The following MGAM2 variants were observed in gnomAD, a reference collection of about 807,000 sequenced individuals.
MGAM2 encodes the protein maltase-glucoamylase 2 (putative).
A neutral mutation model predicts 96.1 loss-of-function variants in MGAM2; 98 were observed. The observed-to-expected ratio is 1.02, with a 90% CI of 0.87 to 1.21. The LOEUF (loss-of-function observed/expected upper bound fraction) is 1.21. Among genes scored for constraint, MGAM2 ranks in the 50% most tolerant of loss-of-function variants. MGAM2 has a pLI of 0.00. For synonymous variants in MGAM2, 749 were observed against 414.8 expected (o/e 1.81, Z -9.79); for missense variants, 2,055 against 1,182.4 (o/e 1.74, Z -10.82).
At chr7:142,159,829 A>G (rs1395687252) in intron 20 of MGAM2, among the ~76,000 whole-genome samples, 2 of 152,228 alleles carry the variant, frequency 1.3e-5, no homozygotes, top group Non-Finnish European at 2.9e-5. Context: ...GGTTTATGGA[A>G]ATTCATTATA....
At chr7:142,153,695 G>C (rs577260154) in intron 15 of MGAM2, among the ~76,000 whole-genome samples, 1 of 152,286 alleles carries the variant, frequency 6.6e-6, no homozygotes, top group South Asian at 2.1e-4. Context: ...TCAAATCATG[G>C]TTCCAATATA....
chr7:142,115,544 T>A (rs1379879616), intron 1 of MGAM2, among the ~76,000 whole-genome samples: 2 of 152,144 alleles, frequency 1.3e-5, no homozygotes, highest in African/African-American at 4.8e-5. Context: ...TAAGATACTT[T>A]TTTAAAATAA....
At chr7:142,161,883 A>G (rs1795898053) in intron 22 of MGAM2, 72 bp from the exon 23 acceptor site, 1 of 587,202 alleles carries the variant, frequency 1.7e-6, no homozygotes, top group Admixed American at 3.3e-5. Context: ...TTCCAGATGA[A>G]ATGAAGAGAA....
chr7:142,126,337 C>G (rs1563248794), intron 3 of MGAM2, among the ~76,000 whole-genome samples: 1 of 151,774 alleles, frequency 6.6e-6, no homozygotes, highest in Non-Finnish European at 1.5e-5. Flanking sequence ...TTTTTATTTA[C>G]TTGTTTATTT....
intron 47 of MGAM2, among the ~76,000 whole-genome samples, chr7:142,219,082 T>A (rs1797848482): frequency 6.6e-6 from 1 of 152,134 alleles, no homozygotes; most frequent in African/African-American, 2.4e-5. Flanking sequence ...ACTAGAGGAT[T>A]CTAGAATCAA....
At chr7:142,194,555 T>C (rs1304034101) in intron 37 of MGAM2, among the ~76,000 whole-genome samples, 4 of 152,208 alleles carry the variant, frequency 2.6e-5, no homozygotes, top group Non-Finnish European at 5.9e-5. Context: ...TACATACATA[T>C]GCATTCTTCC....
chr7:142,133,357 A>G (rs1794964769), intron 6 of MGAM2, among the ~76,000 whole-genome samples: 5 of 149,450 alleles, frequency 3.3e-5, no homozygotes, highest in Non-Finnish European at 7.4e-5. Context: ...CTTGTGGTTT[A>G]CATATATTGT....
chr7:142,180,191 T>C (rs962877790), intron 32 of MGAM2, among the ~76,000 whole-genome samples: 4 of 152,164 alleles, frequency 2.6e-5, no homozygotes, highest in Admixed American at 1.3e-4. Flanking sequence ...ATTTGTGTGA[T>C]TGGGTGTAAT....
At chr7:142,147,768 T>A (rs1795432395) in intron 15 of MGAM2, among the ~76,000 whole-genome samples, 195 bp downstream of exon 15, 1 of 152,254 alleles carries the variant, frequency 6.6e-6, no homozygotes, top group Non-Finnish European at 1.5e-5. Context: ...TATCTTTGAT[T>A]AGCTTATGGC....
intron 44 of MGAM2, among the ~76,000 whole-genome samples, chr7:142,198,953 T>A (rs1797139286): frequency 6.6e-6 from 1 of 152,182 alleles, no homozygotes; most frequent in Admixed American, 6.5e-5. Flanking sequence ...ACACATATAT[T>A]TTTGTCTGTA....
intron 2 of MGAM2, among the ~76,000 whole-genome samples, chr7:142,119,865 T>C (rs1335708187): frequency 6.6e-6 from 1 of 152,170 alleles, no homozygotes. Flanking sequence ...TCCATAGTGA[T>C]AGAAAATAGA....
intron 17 of MGAM2, among the ~76,000 whole-genome samples, chr7:142,156,178 GA>G (rs1342794145): frequency 1.3e-5 from 2 of 151,264 alleles, no homozygotes; most frequent in Non-Finnish European, 2.9e-5. Context: ...AAAGTACAAA[GA>G]AACAGGGACA....
intron 3 of MGAM2, among the ~76,000 whole-genome samples, chr7:142,127,477 T>G (rs918501225): frequency 1.3e-5 from 2 of 152,208 alleles, no homozygotes; most frequent in Non-Finnish European, 2.9e-5. Context: ...CTTTAAATCT[T>G]GTTCTAAATC....
rs562961795 is a variant in MGAM2 at position 142,148,364 on chromosome 7, A to G, written c.1634+791A>G. On this transcript the variant is annotated intron_variant, in intron 15 of 47. Transcript: ENST00000477922. The surrounding 1 kb of genome is among the most constrained non-coding windows in gnomAD (Gnocchi z 4.2). The stretch of plus-strand genomic sequence containing the variant: ...TACCACTACCATCACCACCACCACT[A>G]CCATGACCACCACCACCATCCCTAC... 6.6e-6 allele frequency among the ~76,000 whole-genome samples: 1 copy of G among 151,674 alleles called. No homozygotes were observed. Among genetic ancestry groups the G allele is most frequent in the East Asian group, 1.9e-4 (1 of 5,154 alleles).
intron 46 of MGAM2, 45 bp from the exon 47 acceptor site, chr7:142,218,316 C>G: frequency 1.7e-6 from 1 of 582,270 alleles, no homozygotes; most frequent in Non-Finnish European, 3.1e-6. Flanking sequence ...CATAGTCTAT[C>G]AACAATATGT....
intron 39 of MGAM2, 46 bp from the exon 40 acceptor site, chr7:142,196,654 G>A (rs929675311): frequency 2.0e-5 from 15 of 755,726 alleles, no homozygotes; most frequent in Middle Eastern, 2.3e-4. Context: ...GTGAGTCAGC[G>A]CCTCATGAAA....
intron 3 of MGAM2, 54 bp from the exon 4 acceptor site, chr7:142,130,894 T>C (rs570530143): frequency 4.4e-6 from 3 of 683,524 alleles, no homozygotes; most frequent in East Asian, 2.7e-5. Context: ...AATAGACAGA[T>C]AATACTTTCC....
At chr7:142,186,144 C>CTTT in intron 35 of MGAM2, 21 bp downstream of exon 35, 9 of 621,410 alleles carry the variant, frequency 1.4e-5, no homozygotes, top group Non-Finnish European at 2.0e-5. Context: ...CCTTGGTTGT[C>CTTT]TTTTTTTTTT....
Position 142,164,899 on chromosome 7 carries a change from C to T in MGAM2, c.2528C>T (p.Thr843Ile). Reference sequence around the variant, plus strand: ...ATTATAAATAATAATTATATGGACACTGACAACCTCATGTTCACAGATATC... The same window carrying T: ...ATTATAAATAATAATTATATGGACATTGACAACCTCATGTTCACAGATATC... Reference protein sequence around the residue: ...AKIINNNYMDTDNLMFTDITI... With the variant: ...AKIINNNYMDIDNLMFTDITI... Residue 843 changes from threonine (T) to isoleucine (I), a missense_variant, in exon 24 of 48, where the codon ACT (threonine) becomes ATT (isoleucine). By Grantham distance (89) the Thr-to-Ile change is moderately conservative (BLOSUM62 -1). Coordinates refer to ENST00000477922, the MANE Select transcript of MGAM2 (RefSeq NM_001293626.2). 1 of 702,392 alleles carries T rather than the reference C, an allele frequency of 1.4e-6. No homozygotes were observed. Among genetic ancestry groups the T allele is most frequent in the Non-Finnish European group, 2.6e-6 (1 of 384,768 alleles). 43.5% of individuals were successfully genotyped at this position (702,392 alleles called of 1,614,324 possible).
Sources: allele counts gnomAD v4.1 joint callset (sites outside exome capture counted in the v4.1 genomes callset), GRCh38; gene constraint gnomAD v4.1.1; non-coding constraint Gnocchi (gnomAD v3.1); transcripts MANE v1.5; gene names NCBI Gene and HGNC (gene_info 2026-07-23, HGNC 2026-07-21).